The following TRIM66 variants were observed in gnomAD, a reference collection of about 807,000 sequenced individuals.
The protein encoded by TRIM66 is tripartite motif containing 66, also known as tripartite motif-containing protein 66.
TRIM66 carries 99 observed loss-of-function variants against 148.2 expected under a neutral mutation model. The ratio of observed to expected loss-of-function variants is 0.67; its 90% CI spans 0.57 to 0.79. The LOEUF (loss-of-function observed/expected upper bound fraction) is 0.79, where lower values mean the gene tolerates loss of function less well. Ranked by LOEUF, TRIM66 falls within the 30% of genes least tolerant of loss-of-function variation. The pLI, the probability that TRIM66 is intolerant of heterozygous loss-of-function variation, is 0.00. For synonymous variants in TRIM66, 616 were observed against 635.9 expected (o/e 0.97, Z 0.47); for missense variants, 1,666 against 1,697.9 (o/e 0.98, Z 0.33).
intron 13 of TRIM66, among the ~76,000 whole-genome samples, chr11:8,642,690 G>T (rs1384037180): frequency 6.6e-6 from 1 of 151,440 alleles, no homozygotes; most frequent in Non-Finnish European, 1.5e-5. Context: ...CAGCATTCCG[G>T]AGAGCAGGGT....
Position 8,619,551 on chromosome 11 carries a change from A to G in TRIM66, c.3748-16T>C. The G allele has an allele frequency of 6.6e-7, 1 of 1,521,912 alleles. No homozygotes were observed. The highest frequency in any genetic ancestry group is 8.8e-7 in the Non-Finnish European group (1 of 1,133,960). 94.3% of individuals were successfully genotyped at this position (1,521,912 alleles called of 1,614,324 possible). On this transcript the variant is annotated splice_polypyrimidine_tract_variant and intron_variant, in intron 22 of 24. Coordinates refer to ENST00000646038, the MANE Select transcript of TRIM66 (RefSeq NM_001388022.1). ...AATGCCGGGCCTTGGGGGAGGAGAC[A>G]TGAGGAGAAGGAGGCAAAGGGAGTG...
At chr11:8,621,539 A>G (rs1592005666) in intron 19 of TRIM66, 106 bp downstream of exon 19, 2 of 1,401,172 alleles carry the variant, frequency 1.4e-6, no homozygotes, top group East Asian at 5.0e-5. Flanking sequence ...CTGCAGCCCC[A>G]TCAGAGACTC....
At chr11:8,643,535 G>A (rs1014437783) in intron 12 of TRIM66, among the ~76,000 whole-genome samples, 2 of 151,954 alleles carry the variant, frequency 1.3e-5, no homozygotes, top group African/African-American at 2.4e-5. Context: ...GTAGAGACGG[G>A]GTTTCACTGT....
chr11:8,628,900 T>G (rs2035129471), intron 15 of TRIM66, among the ~76,000 whole-genome samples: 1 of 152,218 alleles, frequency 6.6e-6, no homozygotes, highest in Non-Finnish European at 1.5e-5. Flanking sequence ...ATATTTTCTA[T>G]TCTTAATTTT....
Position 8,648,991 on chromosome 11 carries a change from C to A in TRIM66, c.593-443G>T, listed in dbSNP as rs187801564. 9.8e-5 allele frequency among the ~76,000 whole-genome samples: 15 copies of A among 152,314 alleles called. No homozygotes were observed. The East Asian group carries it at 2.9e-3, about 29-fold the overall frequency. ...TCCTGTGGATTTGACAGTTGTAGAACCCCTCCCACAATTCAAGGGCCTTGA... is the reference window on the plus strand; with the variant it reads ...TCCTGTGGATTTGACAGTTGTAGAAACCCTCCCACAATTCAAGGGCCTTGA... On this transcript the variant is annotated intron_variant, in intron 8 of 24. Transcript: ENST00000646038.
chr11:8,666,264 G>A lies in TRIM66; in HGVS notation c.340+5522C>T, dbSNP rs937131714. Among the ~76,000 whole-genome samples the A allele has an allele frequency of 1.2e-4, 18 of 149,050 alleles. No individual in the cohort carries two copies. The South Asian group carries it at 2.5e-3, about 21-fold the overall frequency. On this transcript the variant is annotated intron_variant, in intron 6 of 24. Coordinates refer to ENST00000646038, the MANE Select transcript of TRIM66 (RefSeq NM_001388022.1). ...TGAGAGAGGAGAATCGCTTGAACCC[G>A]GGAGGCAGAGGTTCCAGTGAGCCAA...
intron 6 of TRIM66, among the ~76,000 whole-genome samples, chr11:8,652,524 T>G (rs973889117): frequency 6.6e-6 from 1 of 152,098 alleles, no homozygotes; most frequent in Non-Finnish European, 1.5e-5. Flanking sequence ...GCATCATATA[T>G]ATGTATATTT....
At chr11:8,645,671 G>T in intron 12 of TRIM66, 70 bp downstream of exon 12, 1 of 1,521,678 alleles carries the variant, frequency 6.6e-7, no homozygotes, top group Non-Finnish European at 8.9e-7. Context: ...CTGCCTCATT[G>T]CCCCTCTGAC....
intron 6 of TRIM66, among the ~76,000 whole-genome samples, chr11:8,669,494 A>G (rs1040770862): frequency 6.6e-6 from 1 of 152,046 alleles, no homozygotes; most frequent in African/African-American, 2.4e-5. Context: ...AAATACAAAA[A>G]TTAGCTGGGT....
chr11:8,638,831 A>T lies in TRIM66; in HGVS notation c.2149-16T>A, dbSNP rs1354390166. ...CATCTGTAGCCTGGAGAAGAAAATA[A>T]GAACTTGGGTGGGTTTTACTGCAGA... On this transcript the variant is annotated splice_polypyrimidine_tract_variant and intron_variant, in intron 14 of 24. Transcript: ENST00000646038. 1 of 1,549,230 alleles carries T rather than the reference A, an allele frequency of 6.5e-7. No individual in the cohort carries two copies. Among genetic ancestry groups the T allele is most frequent in the Non-Finnish European group, 8.7e-7 (1 of 1,146,380 alleles).
In TRIM66 at chr11:8,649,833, T is replaced by C. The variant is rs2037198431; in HGVS notation, c.499A>G (p.Asn167Asp). The change falls in exon 8 of 25, where the codon AAT becomes GAT. Residue 167 changes from asparagine to aspartate, a missense_variant. This residue lies in a region of TRIM66 where 1,431 missense variants were observed against 1,412.4 expected (regional missense o/e 1.01). Transcript: ENST00000646038. Reference protein sequence around the residue: ...RAAHILCTYCNRWLCSSCTEE... With the variant: ...RAAHILCTYCDRWLCSSCTEE... ...GTGCAAGAGCTGCACAGCCAGCGAT[T>C]GCAGTAGGTGCAGAGGATATGTGCT... The C allele has an allele frequency of 1.9e-6, 3 of 1,551,546 alleles. No individual in the cohort carries two copies. Among genetic ancestry groups the C allele is most frequent in the Admixed American group, 2.0e-5 (1 of 50,978 alleles).
rs559501831 is a variant in TRIM66, at chr11:8,613,693, A to T, written c.*4251T>A. 6.6e-6 allele frequency: 1 copy of T among 152,354 alleles called. No individual in the cohort carries two copies. Among genetic ancestry groups the T allele is most frequent in the Non-Finnish European group, 1.5e-5 (1 of 68,092 alleles). 9.4% of individuals were successfully genotyped at this position (152,354 alleles called of 1,614,324 possible). ...GAGGGAGCAGTCTTGGAGGACATAC[A>T]ACAGGATTCAAGATATAGAGAATTA... On this transcript the variant is annotated 3_prime_UTR_variant, in exon 25 of 25. Coordinates refer to ENST00000646038, the MANE Select transcript of TRIM66 (RefSeq NM_001388022.1).
chr11:8,647,828 A>G (rs2036998322), intron 10 of TRIM66, 142 bp downstream of exon 10: 1 of 699,156 alleles, frequency 1.4e-6, no homozygotes, highest in African/African-American at 1.8e-5. Flanking sequence ...AGGCCAAGAC[A>G]TATGCCTTCT....
intron 6 of TRIM66, among the ~76,000 whole-genome samples, chr11:8,666,238 C>A (rs913009470): frequency 1.5e-4 from 22 of 147,432 alleles, no homozygotes; most frequent in African/African-American, 5.5e-4. Flanking sequence ...ACTCGGGAGG[C>A]TGAGAGAGGA....
rs748082495 is a variant in TRIM66 at position 8,624,534 on chromosome 11, G to A, written c.2844C>T (p.Ser948=). 2 of 1,527,640 alleles carry A rather than the reference G, an allele frequency of 1.3e-6. No homozygotes were observed. The highest frequency in any genetic ancestry group is 2.8e-5 in the African/African-American group (2 of 71,414). 94.6% of individuals were successfully genotyped at this position (1,527,640 alleles called of 1,614,324 possible). A position where few individuals can be genotyped will look rare whatever the true frequency, so the allele number is the denominator to read the frequency against. Residue 948 remains serine (S), a synonymous_variant, in exon 17 of 25, where the codon TCC becomes TCT. Transcript: ENST00000646038. ...GTCCCAGTAAGTCAGTGAAGCGAGT[G>A]GAATCCTCACTTTCCATCTTTCAAA... ...NALCKMESED[S]TRFTDLLGQG...
In TRIM66 at chr11:8,625,228, G is replaced by A; in HGVS notation, c.2311C>T (p.His771Tyr). ...CCCATGATGCTCAGCGAGGTGGAGTGCTGCAGGAACAGAGACAAGGGGTAG... is the reference window on the plus strand; with the variant it reads ...CCCATGATGCTCAGCGAGGTGGAGTACTGCAGGAACAGAGACAAGGGGTAG... ...QHSSPNVVRK[H>Y]STSLSIMGFS... The change falls in exon 16 of 25, where the codon CAC (histidine) becomes TAC (tyrosine). Residue 771 changes from histidine to tyrosine, a missense_variant and splice_region_variant. Around this residue, in one of 3 missense-constraint regions of TRIM66, gnomAD observed 1,431 missense variants for 1,412.4 expected, o/e 1.01. Transcript: ENST00000646038. The A allele has an allele frequency of 2.0e-6, 3 of 1,495,200 alleles. No homozygotes were observed. Among genetic ancestry groups the A allele is most frequent in the South Asian group, 1.3e-5 (1 of 74,194 alleles). The allele number at this position is 1,495,200 out of a possible 1,614,324, so 92.6% of individuals were successfully genotyped here.
intron 15 of TRIM66, among the ~76,000 whole-genome samples, chr11:8,628,636 A>AAAAAAAAAAAAAAAAAAAGAGAG (rs1555042270): frequency 2.1e-5 from 2 of 93,340 alleles, no homozygotes; most frequent in Non-Finnish European, 4.7e-5. Context: ...AAAAAAAAAA[A>AAAAAAAAAAAAAAAAAAAGAGAG]AGAGAGAGAA....
intron 6 of TRIM66, among the ~76,000 whole-genome samples, chr11:8,656,020 C>T (rs930673240): frequency 4.6e-5 from 7 of 152,142 alleles, no homozygotes; most frequent in African/African-American, 7.2e-5. Flanking sequence ...AGGGAGGCTG[C>T]GGGCCCCAGA....
At chr11:8,653,103 A>C (rs1565544722) in intron 6 of TRIM66, among the ~76,000 whole-genome samples, 1 of 152,238 alleles carries the variant, frequency 6.6e-6, no homozygotes, top group Non-Finnish European at 1.5e-5. Flanking sequence ...TAATGCAATA[A>C]ACTCAATTAC....
Sources: allele counts gnomAD v4.1 joint callset (sites outside exome capture counted in the v4.1 genomes callset), GRCh38; gene constraint gnomAD v4.1.1; regional missense constraint gnomAD v4.1.1; transcripts MANE v1.5; gene names NCBI Gene and HGNC (gene_info 2026-07-23, HGNC 2026-07-21).